SLC9A9: variants seen among roughly 807,000 people sequenced by gnomAD.
SLC9A9 encodes the protein solute carrier family 9 member A9, also known as sodium/hydrogen exchanger 9.
In SLC9A9, 62 loss-of-function variants were observed where a neutral mutation model predicts 77.8. The ratio of observed to expected loss-of-function variants is 0.80; its 90% CI spans 0.65 to 0.98. The LOEUF (loss-of-function observed/expected upper bound fraction) is 0.98, where lower values mean the gene tolerates loss of function less well. SLC9A9 is among the 50% of genes least tolerant of loss of function. The pLI, the probability that SLC9A9 is intolerant of heterozygous loss-of-function variation, is 0.00. For synonymous variants in SLC9A9, 320 were observed against 283.5 expected (o/e 1.13, Z -1.29); for missense variants, 775 against 774.9 (o/e 1.00, Z 0.00).
intron 6 of SLC9A9, among the ~76,000 whole-genome samples, chr3:143,630,266 G>A (rs1400201622): frequency 6.6e-6 from 1 of 152,160 alleles, no homozygotes. Flanking sequence ...AGCCATTTAA[G>A]TAGGGAAAAG....
At chr3:143,811,267 C>T (rs1012049855) in intron 2 of SLC9A9, among the ~76,000 whole-genome samples, 3 of 152,174 alleles carry the variant, frequency 2.0e-5, no homozygotes, top group African/African-American at 7.2e-5. Flanking sequence ...TTGGGTCACA[C>T]CTAGGGACAG....
At chr3:143,840,116 C>T (rs955289161) in intron 1 of SLC9A9, among the ~76,000 whole-genome samples, 1 of 152,146 alleles carries the variant, frequency 6.6e-6, no homozygotes, top group Non-Finnish European at 1.5e-5. Flanking sequence ...TTTACCGGGC[C>T]GCACCCACCC....
chr3:143,396,519 C>T (rs1396614603), intron 12 of SLC9A9, among the ~76,000 whole-genome samples: 16 of 152,056 alleles, frequency 1.1e-4, no homozygotes, highest in Non-Finnish European at 2.9e-5. Flanking sequence ...GTGCAGCACA[C>T]CAACGTGGCA....
chr3:143,517,718 C>G, intron 9 of SLC9A9: 2 of 1,597,834 alleles, frequency 1.3e-6, no homozygotes, highest in Non-Finnish European at 8.5e-7. Flanking sequence ...GGCTCTGTCA[C>G]AGTCTTGGAT....
intron 12 of SLC9A9, among the ~76,000 whole-genome samples, chr3:143,394,059 C>A (rs558823164): frequency 0.014 from 2,119 of 152,228 alleles, 55 homozygotes; most frequent in African/African-American, 0.048. Context: ...TGAAACTATT[C>A]CAATCAATAG....
Position 143,423,204 on chromosome 3 carries a change from CT to C in SLC9A9, c.1470-41091del, listed in dbSNP as rs1403651451. On this transcript the variant is annotated intron_variant, in intron 12 of 15. Coordinates refer to ENST00000316549, the MANE Select transcript of SLC9A9 (RefSeq NM_173653.4). ...ACATATATGTAAATCTCTACTTACC[CT>C]CACACACACGTACACACACACACAC... Among the ~76,000 whole-genome samples, 42 of 101,532 alleles carry C rather than the reference CT, an allele frequency of 4.1e-4. 1 individual carries two copies. In the East Asian group the frequency reaches 6.5e-3, roughly 16 times the overall value. The allele number at this position is 101,532 out of a possible 152,430, so 66.6% of individuals were successfully genotyped here. A position where few individuals can be genotyped will look rare whatever the true frequency, so the allele number is the denominator to read the frequency against.
intron 6 of SLC9A9, among the ~76,000 whole-genome samples, chr3:143,591,133 T>C (rs1576596145): frequency 6.6e-6 from 1 of 152,152 alleles, no homozygotes; most frequent in South Asian, 2.1e-4. Flanking sequence ...TCCTGGAAAA[T>C]ATTTGCACTG....
chr3:143,480,443 T>C (rs776602122), intron 11 of SLC9A9, among the ~76,000 whole-genome samples: 2 of 152,258 alleles, frequency 1.3e-5, no homozygotes, highest in Non-Finnish European at 2.9e-5. Context: ...ACTATACTTG[T>C]CTGCTTCGTC....
intron 9 of SLC9A9, among the ~76,000 whole-genome samples, chr3:143,525,352 A>G (rs574630186): frequency 6.6e-6 from 1 of 152,328 alleles, no homozygotes; most frequent in East Asian, 1.9e-4. Context: ...TGTGAGGTAG[A>G]TTCTATCTGA....
intron 6 of SLC9A9, among the ~76,000 whole-genome samples, chr3:143,592,086 C>G (rs75509835): frequency 0.11 from 16,882 of 152,166 alleles, 1,034 homozygotes; most frequent in Non-Finnish European, 0.14. Context: ...CATGACCCCC[C>G]AAAAGGTTAA....
intron 4 of SLC9A9, among the ~76,000 whole-genome samples, chr3:143,702,397 A>C (rs1597081): frequency 0.53 from 80,883 of 151,734 alleles, 21,924 homozygotes; most frequent in Non-Finnish European, 0.57. Flanking sequence ...CAAATTGAAA[A>C]AACAAAAAGT....
intron 12 of SLC9A9, among the ~76,000 whole-genome samples, chr3:143,451,392 T>C (rs2035005415): frequency 6.6e-6 from 1 of 152,212 alleles, no homozygotes; most frequent in Non-Finnish European, 1.5e-5. Flanking sequence ...GGTTACACAA[T>C]TAATCTTCAG....
rs1293402614 is a variant in SLC9A9, at chr3:143,347,266, AGG to A, written c.1604+16216_1604+16217del. 1.3e-5 allele frequency among the ~76,000 whole-genome samples: 2 copies of A among 152,190 alleles called. 1 individual carries two copies. The highest frequency in any genetic ancestry group is 6.3e-3 in the Middle Eastern group (2 of 316). ...TCACAAGCATCACAACCAATTACTT[AGG>A]GCTTTAATAAAGAAGGGACCTTATG... On this transcript the variant is annotated intron_variant, in intron 14 of 15. Coordinates refer to ENST00000316549, the MANE Select transcript of SLC9A9 (RefSeq NM_173653.4).
At chr3:143,349,649 G>T (rs185162274) in intron 14 of SLC9A9, among the ~76,000 whole-genome samples, 8 of 152,316 alleles carry the variant, frequency 5.3e-5, no homozygotes, top group Non-Finnish European at 1.0e-4. Flanking sequence ...AGGTGACAAA[G>T]ATCTGAACCT....
chr3:143,659,183 A>C (rs889757457), intron 5 of SLC9A9, among the ~76,000 whole-genome samples: 2 of 152,188 alleles, frequency 1.3e-5, no homozygotes, highest in African/African-American at 4.8e-5. Flanking sequence ...GCAAGGGTTT[A>C]TCTACAAATC....
intron 12 of SLC9A9, among the ~76,000 whole-genome samples, chr3:143,403,901 G>C (rs1248467493): frequency 3.3e-5 from 5 of 152,094 alleles, no homozygotes; most frequent in Admixed American, 3.3e-4. Flanking sequence ...TTATTCCTTG[G>C]ATTATTTTTT....
chr3:143,401,804 G>A (rs1368511157), intron 12 of SLC9A9, among the ~76,000 whole-genome samples: 2 of 152,184 alleles, frequency 1.3e-5, no homozygotes, highest in Non-Finnish European at 2.9e-5. Flanking sequence ...ACCTACACAG[G>A]AGGAATGAAA....
At position 143,652,265 on chromosome 3, in the gene SLC9A9, C is replaced by T. The variant is rs1408574771; in HGVS notation, c.745G>A (p.Val249Ile). The T allele has an allele frequency of 1.2e-6, 2 of 1,612,078 alleles. No individual in the cohort carries two copies. ...AGTTCTGGTACTTACTATGTAAGGA[C>T]TATGGCCACTGCATCATTCAACACA... ...ESVLNDAVAI[V>I]LTYSISIYSP... Residue 249 changes from valine (V) to isoleucine (I), a missense_variant, in exon 6 of 16, where the codon GTC becomes ATC. By Grantham distance (29) the Val-to-Ile change is conservative. Coordinates refer to ENST00000316549, the MANE Select transcript of SLC9A9 (RefSeq NM_173653.4).
intron 4 of SLC9A9, among the ~76,000 whole-genome samples, chr3:143,760,562 G>A (rs915384719): frequency 3.3e-5 from 5 of 152,218 alleles, no homozygotes; most frequent in African/African-American, 1.2e-4. Flanking sequence ...CAGACAGAGA[G>A]CCAAATCATG....
Sources: allele counts gnomAD v4.1 joint callset (sites outside exome capture counted in the v4.1 genomes callset), GRCh38; gene constraint gnomAD v4.1.1; transcripts MANE v1.5; gene names NCBI Gene and HGNC (gene_info 2026-07-23, HGNC 2026-07-21).